TECRL: variants seen among roughly 807,000 people sequenced by gnomAD.
The protein encoded by TECRL is trans-2,3-enoyl-CoA reductase-like.
Under a neutral mutation model 52.8 loss-of-function variants are expected in TECRL, and 63 were observed. That is an observed-to-expected ratio of 1.19 (90% CI 0.97 to 1.47). The LOEUF is 1.47. Ranked by LOEUF, TECRL falls within the 40% of genes most tolerant of loss-of-function variation. The pLI is 0.00. For missense variants in TECRL, 482 were observed against 429.6 expected, an observed-to-expected ratio of 1.12 and a Z score of -1.08; for synonymous variants, 164 against 141.9, an observed-to-expected ratio of 1.16 and a Z score of -1.10.
At chr4:64,385,176 C>T (rs1311608245) in intron 1 of TECRL, among the ~76,000 whole-genome samples, 2 of 152,134 alleles carry the variant, frequency 1.3e-5, no homozygotes, top group Non-Finnish European at 2.9e-5. Context: ...GTCCTCAGGC[C>T]CCTGATAGTT....
At chr4:64,321,296 A>C (rs1434020267) in intron 4 of TECRL, among the ~76,000 whole-genome samples, 1 of 152,032 alleles carries the variant, frequency 6.6e-6, no homozygotes, top group East Asian at 1.9e-4. Context: ...TTAATGTATA[A>C]ATTATCATAC....
intron 9 of TECRL, among the ~76,000 whole-genome samples, chr4:64,284,193 A>T (rs1722971523): frequency 6.6e-6 from 1 of 152,100 alleles, no homozygotes; most frequent in Non-Finnish European, 1.5e-5. Flanking sequence ...AAGATTGTAC[A>T]AACACACTAA....
intron 2 of TECRL, among the ~76,000 whole-genome samples, chr4:64,354,610 G>GCTCT (rs1720636564): frequency 6.6e-6 from 1 of 152,160 alleles, no homozygotes; most frequent in Non-Finnish European, 1.5e-5. Flanking sequence ...CTTTAATAGA[G>GCTCT]CTCTAGTGAA....
intron 2 of TECRL, among the ~76,000 whole-genome samples, chr4:64,369,555 G>T (rs1721843232): frequency 6.6e-6 from 1 of 152,000 alleles, no homozygotes; most frequent in Non-Finnish European, 1.5e-5. Flanking sequence ...AGAAATTAAT[G>T]AGATTTTTTC....
intron 2 of TECRL, among the ~76,000 whole-genome samples, chr4:64,368,848 G>C (rs1056786981): frequency 1.3e-5 from 2 of 151,918 alleles, no homozygotes; most frequent in East Asian, 1.9e-4. Flanking sequence ...TGCTATCTTT[G>C]TCCTGAGTTA....
At position 64,294,119 on chromosome 4, in the gene TECRL, T is replaced by A. The variant is rs531523762; in HGVS notation, c.775-4352A>T. 1.4e-3 allele frequency among the ~76,000 whole-genome samples: 218 copies of A among 151,840 alleles called. 1 individual carries two copies. The highest frequency in any genetic ancestry group is 5.0e-3 in the African/African-American group (208 of 41,446). ...TTCCTGCCTCAGCCTCCCGAGTAACTGGGATTACAGGTGCATGCCACCACG... is the reference window on the plus strand; with the variant it reads ...TTCCTGCCTCAGCCTCCCGAGTAACAGGGATTACAGGTGCATGCCACCACG... On this transcript the variant is annotated intron_variant, in intron 8 of 11. Coordinates refer to ENST00000381210, the MANE Select transcript of TECRL (RefSeq NM_001010874.5).
chr4:64,306,914 C>T (rs1207624188), intron 6 of TECRL, among the ~76,000 whole-genome samples: 1 of 152,210 alleles, frequency 6.6e-6, no homozygotes, highest in Non-Finnish European at 1.5e-5. Flanking sequence ...CACAAAGTTA[C>T]AGGCTAACAT....
chr4:64,320,744 T>G (rs1717841516), intron 4 of TECRL, among the ~76,000 whole-genome samples: 1 of 152,088 alleles, frequency 6.6e-6, no homozygotes, highest in South Asian at 2.1e-4. Flanking sequence ...CTGTGAATAT[T>G]TTAACCTTTG....
intron 2 of TECRL, among the ~76,000 whole-genome samples, chr4:64,362,073 A>G (rs2109618620): frequency 1.3e-5 from 2 of 152,294 alleles, no homozygotes; most frequent in South Asian, 4.1e-4. Context: ...AAGCATTCAT[A>G]ATATAATTGA....
chr4:64,381,244 T>C (rs1230761496), intron 1 of TECRL, among the ~76,000 whole-genome samples: 2 of 152,094 alleles, frequency 1.3e-5, no homozygotes, highest in African/African-American at 2.4e-5. Context: ...GATTTTGTAT[T>C]CTGAAAGTTT....
intron 9 of TECRL, among the ~76,000 whole-genome samples, chr4:64,283,009 C>T (rs1314810100): frequency 6.6e-6 from 1 of 151,912 alleles, no homozygotes; most frequent in Non-Finnish European, 1.5e-5. Context: ...TCAGGGAGTG[C>T]TACTGGCAGA....
chr4:64,305,512 G>A (rs947569882), intron 6 of TECRL, among the ~76,000 whole-genome samples: 1 of 152,060 alleles, frequency 6.6e-6, no homozygotes, highest in African/African-American at 2.4e-5. Flanking sequence ...AACACCTGTG[G>A]GACTGTGCCT....
At chr4:64,322,667 T>C (rs780152187) in intron 4 of TECRL, 22 bp downstream of exon 4, 7 of 1,521,456 alleles carry the variant, frequency 4.6e-6, no homozygotes, top group Non-Finnish European at 6.3e-6. Flanking sequence ...AAATGTATAT[T>C]ACATTTCAAA....
intron 9 of TECRL, among the ~76,000 whole-genome samples, chr4:64,285,261 C>T (rs904191405): frequency 3.3e-5 from 5 of 152,090 alleles, no homozygotes; most frequent in Admixed American, 2.0e-4. Flanking sequence ...GTCATTCCAA[C>T]TCTTGACACC....
intron 1 of TECRL, among the ~76,000 whole-genome samples, chr4:64,380,212 A>G (rs1318662819): frequency 6.6e-6 from 1 of 151,804 alleles, no homozygotes; most frequent in Admixed American, 6.6e-5. Flanking sequence ...AGAAATATCT[A>G]CTCAGATTAT....
At chr4:64,339,013 G>GC (rs1334091995) in intron 2 of TECRL, among the ~76,000 whole-genome samples, 1 of 151,980 alleles carries the variant, frequency 6.6e-6, no homozygotes, top group Non-Finnish European at 1.5e-5. Flanking sequence ...AGTCACAATA[G>GC]CAAAGACTTG....
intron 1 of TECRL, among the ~76,000 whole-genome samples, chr4:64,407,213 C>A (rs1724792956): frequency 2.0e-5 from 3 of 151,942 alleles, no homozygotes; most frequent in African/African-American, 4.8e-5. Flanking sequence ...CAGTGTTAAT[C>A]CTCTATTTAG....
intron 2 of TECRL, among the ~76,000 whole-genome samples, chr4:64,367,029 T>C (rs1386866309): frequency 2.6e-5 from 4 of 152,142 alleles, no homozygotes; most frequent in Non-Finnish European, 4.4e-5. Flanking sequence ...ATGGTACATA[T>C]AATGCCATGG....
chr4:64,335,788 T>C (rs1208724793), intron 2 of TECRL, among the ~76,000 whole-genome samples: 2 of 152,182 alleles, frequency 1.3e-5, no homozygotes, highest in Non-Finnish European at 2.9e-5. Context: ...GTCCTTTTTC[T>C]TATTAAATGC....
Sources: gnomAD v4.1 joint callset for allele counts (sites outside exome capture counted in the v4.1 genomes callset) on GRCh38, gnomAD v4.1.1 for gene constraint, MANE v1.5 for transcripts, NCBI Gene and HGNC (gene_info 2026-07-23, HGNC 2026-07-21) for gene names.